LRFN5: variants seen among roughly 807,000 people sequenced by gnomAD.
LRFN5 encodes leucine-rich repeat and fibronectin type-III domain-containing protein 5.
In LRFN5, 24 loss-of-function variants were observed where a neutral mutation model predicts 45.6. That is an observed-to-expected ratio of 0.53 (90% CI 0.38 to 0.74). The LOEUF (loss-of-function observed/expected upper bound fraction) is 0.74. Ranked by LOEUF, LRFN5 falls within the 30% of genes least tolerant of loss-of-function variation. The probability of loss-of-function intolerance (pLI) is 0.00; values close to 1 mark genes in which losing one functional copy is unlikely to be tolerated. For missense variants in LRFN5, 776 were observed against 861.5 expected, an observed-to-expected ratio of 0.90 and a Z score of 1.24; for synonymous variants, 340 against 313.8, an observed-to-expected ratio of 1.08 and a Z score of -0.88.
Position 41,887,718 on chromosome 14 carries a change from G to A in LRFN5, c.1093G>A (p.Glu365Lys). ...CTGCATTGCTTCCAATCCTGCTGGG[G>A]AAGCAACACAAATAGTGGATCTTCA... ...FTCIASNPAGEATQIVDLHII... is the reference protein window; with the variant it reads ...FTCIASNPAGKATQIVDLHII... Residue 365 changes from glutamate (E) to lysine (K), a missense_variant, in exon 3 of 6, where the codon GAA (glutamate) becomes AAA (lysine). Physicochemically the swap from Glu to Lys is moderately conservative, Grantham distance 56. Coordinates refer to ENST00000298119, the MANE Select transcript of LRFN5 (RefSeq NM_152447.5). The surrounding 1 kb of genome is among the most constrained non-coding windows in gnomAD (Gnocchi z 4.8). 6.2e-7 allele frequency: 1 copy of A among 1,614,078 alleles called. No homozygotes were observed. Among genetic ancestry groups the A allele is most frequent in the Non-Finnish European group, 8.5e-7 (1 of 1,180,036 alleles).
intron 2 of LRFN5, among the ~76,000 whole-genome samples, chr14:41,867,528 C>G (rs943074447): frequency 1.6e-4 from 24 of 152,030 alleles, no homozygotes; most frequent in Non-Finnish European, 3.1e-4. Flanking sequence ...CTCATTTTTC[C>G]AGACTGCCAA....
At chr14:41,629,987 A>G (rs557401998) in intron 1 of LRFN5, among the ~76,000 whole-genome samples, 7 of 152,234 alleles carry the variant, frequency 4.6e-5, no homozygotes, top group African/African-American at 1.7e-4. Flanking sequence ...ACAGTCACTG[A>G]TATCTTTGAG....
intron 2 of LRFN5, among the ~76,000 whole-genome samples, chr14:41,803,929 T>C (rs1887429074): frequency 6.6e-6 from 1 of 152,164 alleles, no homozygotes; most frequent in Admixed American, 6.5e-5. Context: ...AGTGGCACGA[T>C]CTAGGCTCAC....
intron 1 of LRFN5, among the ~76,000 whole-genome samples, chr14:41,687,318 A>T (rs1376073029): frequency 6.6e-6 from 1 of 152,354 alleles, no homozygotes; most frequent in African/African-American, 2.4e-5. Context: ...AACGGCAATT[A>T]TTAAAAAATT....
intron 2 of LRFN5, among the ~76,000 whole-genome samples, chr14:41,859,618 G>A (rs751826429): frequency 1.2e-4 from 18 of 152,180 alleles, no homozygotes; most frequent in Admixed American, 1.2e-3. Flanking sequence ...CTATAAATGA[G>A]TTCAAATGCA....
intron 2 of LRFN5, among the ~76,000 whole-genome samples, chr14:41,827,019 C>T (rs1225788693): frequency 1.3e-5 from 2 of 151,834 alleles, no homozygotes; most frequent in South Asian, 4.2e-4. Context: ...AGGTAATTTT[C>T]CATCATCTCA....
intron 2 of LRFN5, among the ~76,000 whole-genome samples, chr14:41,842,124 G>T (rs568513370): frequency 2.6e-5 from 4 of 151,914 alleles, no homozygotes; most frequent in Non-Finnish European, 5.9e-5. Context: ...AGCTGGGTTT[G>T]TTGTTTTTGG....
chr14:41,659,892 G>GTTTTTTTTTTTTTTTTTTTTT (rs11352345), intron 1 of LRFN5, among the ~76,000 whole-genome samples: 1 of 123,894 alleles, frequency 8.1e-6, no homozygotes. Flanking sequence ...ACTTTTTGAT[G>GTTTTTTTTTTTTTTTTTTTTT]TTTTTTTTTT....
At chr14:41,639,087 T>C (rs1879441422) in intron 1 of LRFN5, among the ~76,000 whole-genome samples, 1 of 152,038 alleles carries the variant, frequency 6.6e-6, no homozygotes. Flanking sequence ...TAGAGTCTTA[T>C]GACTCCTAGT....
At chr14:41,841,540 C>T (rs1241869107) in intron 2 of LRFN5, among the ~76,000 whole-genome samples, 1 of 151,808 alleles carries the variant, frequency 6.6e-6, no homozygotes, top group Non-Finnish European at 1.5e-5. Flanking sequence ...TTGTACATGT[C>T]AGTAATTTAT....
chr14:41,720,355 G>A (rs545945822), intron 1 of LRFN5, among the ~76,000 whole-genome samples: 1 of 152,172 alleles, frequency 6.6e-6, no homozygotes, highest in Non-Finnish European at 1.5e-5. Flanking sequence ...CACCTAGGTT[G>A]ATTCCATGTC....
chr14:41,815,587 A>C (rs1034789223), intron 2 of LRFN5, among the ~76,000 whole-genome samples: 1 of 151,984 alleles, frequency 6.6e-6, no homozygotes, highest in Non-Finnish European at 1.5e-5. Flanking sequence ...AAATAAAAAT[A>C]CTTAGCCAGG....
chr14:41,703,023 C>T (rs1413067251), intron 1 of LRFN5, among the ~76,000 whole-genome samples: 1 of 151,862 alleles, frequency 6.6e-6, no homozygotes, highest in East Asian at 1.9e-4. Flanking sequence ...CCTTTTAGCT[C>T]TCCTGGTAAA....
At chr14:41,784,790 G>A (rs560770234) in intron 2 of LRFN5, among the ~76,000 whole-genome samples, 2 of 151,976 alleles carry the variant, frequency 1.3e-5, no homozygotes, top group East Asian at 1.9e-4. Flanking sequence ...CACTATACCC[G>A]GCTAATTTTT....
At position 41,891,146 on chromosome 14, in the gene LRFN5, G is replaced by T. The variant is rs1263356836; in HGVS notation, c.1386-104G>T. On this transcript the variant is annotated intron_variant, in intron 3 of 5. Transcript: ENST00000298119. ...TTTCAATAATTCATATGTTATAAAT[G>T]TACTTAATGATACTGAAATGACACT... 5.9e-6 allele frequency: 5 copies of T among 853,926 alleles called. No individual in the cohort carries two copies. In the Admixed American group the frequency reaches 7.0e-5, roughly 12 times the overall value. The allele number at this position is 853,926 out of a possible 1,614,324, so 52.9% of individuals were successfully genotyped here.
At chr14:41,890,888 A>G (rs1429282860) in intron 3 of LRFN5, among the ~76,000 whole-genome samples, 1 of 152,140 alleles carries the variant, frequency 6.6e-6, no homozygotes, top group Non-Finnish European at 1.5e-5. Flanking sequence ...TCATAGAGGT[A>G]TTGTAAGTGC....
intron 1 of LRFN5, among the ~76,000 whole-genome samples, chr14:41,728,017 TG>T (rs139929863): frequency 0.033 from 4,985 of 152,198 alleles, 274 homozygotes; most frequent in African/African-American, 0.11. Flanking sequence ...TTCATGACAC[TG>T]CATTAACATA....
At chr14:41,623,046 C>T (rs528398289) in intron 1 of LRFN5, among the ~76,000 whole-genome samples, 1 of 152,186 alleles carries the variant, frequency 6.6e-6, no homozygotes, top group South Asian at 2.1e-4. Context: ...AACCTTTGAG[C>T]TGGTGAGATC....
intron 2 of LRFN5, among the ~76,000 whole-genome samples, chr14:41,847,138 A>T (rs747039781): frequency 6.6e-6 from 1 of 151,328 alleles, no homozygotes; most frequent in Non-Finnish European, 1.5e-5. Flanking sequence ...AAGAGTAATT[A>T]TTTTTTTTTA....
Sources: allele counts gnomAD v4.1 joint callset (sites outside exome capture counted in the v4.1 genomes callset), GRCh38; gene constraint gnomAD v4.1.1; non-coding constraint Gnocchi (gnomAD v3.1); transcripts MANE v1.5; gene names NCBI Gene and HGNC (gene_info 2026-07-23, HGNC 2026-07-21).